OLFM2: variants seen among roughly 807,000 people sequenced by gnomAD.
The protein encoded by OLFM2 is olfactomedin 2.
OLFM2 carries 20 observed loss-of-function variants against 43.9 expected under a neutral mutation model. The ratio of observed to expected loss-of-function variants is 0.46; its 90% CI spans 0.32 to 0.66. The LOEUF is 0.66. Ranked by LOEUF, OLFM2 falls within the 30% of genes least tolerant of loss-of-function variation. The pLI is 0.04. For synonymous variants in OLFM2, 268 were observed against 278.6 expected (o/e 0.96, Z 0.38); for missense variants, 416 against 643.6 (o/e 0.65, Z 3.83).
At chr19:9,864,501 A>G (rs189723954) in intron 1 of OLFM2, among the ~76,000 whole-genome samples, 3 of 152,220 alleles carry the variant, frequency 2.0e-5, no homozygotes, top group Admixed American at 1.3e-4. Flanking sequence ...GGGTTTCACT[A>G]TGTTGGTCAG....
At chr19:9,898,710 C>T (rs114586838) in intron 1 of OLFM2, among the ~76,000 whole-genome samples, 2,772 of 152,208 alleles carry the variant, frequency 0.018, 64 homozygotes, top group South Asian at 0.081. Flanking sequence ...TAAGTCTCTC[C>T]AGCCACCACG....
chr19:9,925,898 G>A (rs10417219), intron 1 of OLFM2, among the ~76,000 whole-genome samples: 22,490 of 151,678 alleles, frequency 0.15, 4,790 homozygotes, highest in African/African-American at 0.47. Context: ...ACTTTGGAAG[G>A]CTGAGGTGAG....
rs1464113886 is a variant in OLFM2, at chr19:9,857,068, T to C, written c.581-155A>G. The C allele has an allele frequency of 1.2e-6, 1 of 818,626 alleles. No homozygotes were observed. Among genetic ancestry groups the C allele is most frequent in the Non-Finnish European group, 2.0e-6 (1 of 499,954 alleles). 50.7% of individuals were successfully genotyped at this position (818,626 alleles called of 1,614,324 possible). ...TCCCAATATGTTGTTCAGTTGTGAGTGAGGGGTTAGAGGCCAAGGGTCAGG... is the reference window on the plus strand; with the variant it reads ...TCCCAATATGTTGTTCAGTTGTGAGCGAGGGGTTAGAGGCCAAGGGTCAGG... On this transcript the variant is annotated intron_variant, in intron 4 of 5. Coordinates refer to ENST00000264833, the MANE Select transcript of OLFM2 (RefSeq NM_058164.4). The surrounding 1 kb of genome is among the most constrained non-coding windows in gnomAD (Gnocchi z 5.7).
chr19:9,929,721 A>G (rs942477510), intron 1 of OLFM2, among the ~76,000 whole-genome samples: 1 of 151,854 alleles, frequency 6.6e-6, no homozygotes, highest in Admixed American at 6.6e-5. Flanking sequence ...CATTGCCCAC[A>G]CCAGCCACTG....
At chr19:9,929,376 T>C (rs966244607) in intron 1 of OLFM2, among the ~76,000 whole-genome samples, 1 of 151,932 alleles carries the variant, frequency 6.6e-6, no homozygotes, top group African/African-American at 2.4e-5. Flanking sequence ...GTGGATCACC[T>C]GAGGTCAGGA....
chr19:9,901,206 G>GGAAA (rs1250981045), intron 1 of OLFM2, among the ~76,000 whole-genome samples: 3 of 146,744 alleles, frequency 2.0e-5, no homozygotes, highest in African/African-American at 7.5e-5. Context: ...GAAAGAGGAC[G>GGAAA]GAAAGAAAGA....
chr19:9,914,995 G>C (rs1003449887), intron 1 of OLFM2, among the ~76,000 whole-genome samples: 2 of 152,012 alleles, frequency 1.3e-5, no homozygotes, highest in East Asian at 2.0e-4. Context: ...TAGGGGTCTC[G>C]AACCGTCTTT....
intron 1 of OLFM2, among the ~76,000 whole-genome samples, chr19:9,870,798 T>TGTAA (rs1276449027): frequency 2.6e-5 from 4 of 152,150 alleles, no homozygotes; most frequent in Non-Finnish European, 5.9e-5. Context: ...TGGAGGTTGC[T>TGTAA]GTAAGCCAAG....
intron 1 of OLFM2, among the ~76,000 whole-genome samples, chr19:9,893,229 A>G (rs1293222783): frequency 1.2e-4 from 18 of 151,682 alleles, no homozygotes; most frequent in Admixed American, 9.9e-4. Context: ...CAATGGCACA[A>G]TTTCAGCTCA....
At chr19:9,879,290 G>A (rs1027825793) in intron 1 of OLFM2, among the ~76,000 whole-genome samples, 1 of 152,128 alleles carries the variant, frequency 6.6e-6, no homozygotes, top group African/African-American at 2.4e-5. Context: ...GCGCCACCAC[G>A]CCTGGCTAAT....
intron 1 of OLFM2, among the ~76,000 whole-genome samples, chr19:9,861,044 A>G (rs2046362530): frequency 6.6e-6 from 1 of 152,046 alleles, no homozygotes; most frequent in Non-Finnish European, 1.5e-5. Context: ...CAAGACCAGA[A>G]TTCATTCTCT....
At chr19:9,916,832 C>T (rs538366237) in intron 1 of OLFM2, among the ~76,000 whole-genome samples, 1 of 152,320 alleles carries the variant, frequency 6.6e-6, no homozygotes, top group African/African-American at 2.4e-5. Flanking sequence ...TCCACACCCT[C>T]ATGCCAGTCC....
At chr19:9,858,909 C>T (rs1463847660) in intron 2 of OLFM2, among the ~76,000 whole-genome samples, 2 of 151,790 alleles carry the variant, frequency 1.3e-5, no homozygotes, top group African/African-American at 4.9e-5. Context: ...TAGACTCTCA[C>T]TTGGCTAAGA....
At chr19:9,855,091 G>C (rs2046305053) in intron 5 of OLFM2, among the ~76,000 whole-genome samples, 1 of 152,130 alleles carries the variant, frequency 6.6e-6, no homozygotes, top group Non-Finnish European at 1.5e-5. Context: ...CTCAATGGCT[G>C]TCCAGTGACC....
At chr19:9,908,044 A>G (rs116141954) in intron 1 of OLFM2, among the ~76,000 whole-genome samples, 5,572 of 151,994 alleles carry the variant, frequency 0.037, 197 homozygotes, top group African/African-American at 0.095. Flanking sequence ...TTAAAAATCT[A>G]AAGTCCCTGA....
chr19:9,870,464 A>G (rs1326079621), intron 1 of OLFM2, among the ~76,000 whole-genome samples: 5 of 152,134 alleles, frequency 3.3e-5, no homozygotes, highest in Non-Finnish European at 7.3e-5. Flanking sequence ...CTTTTCCAGA[A>G]TATCTCCTTG....
intron 1 of OLFM2, among the ~76,000 whole-genome samples, chr19:9,866,454 G>C (rs1373102138): frequency 1.3e-5 from 2 of 151,016 alleles, no homozygotes; most frequent in Non-Finnish European, 1.5e-5. Context: ...CTAGCAGCCT[G>C]TCTCACCTCG....
chr19:9,936,018 C>T (rs547264580), intron 1 of OLFM2, among the ~76,000 whole-genome samples: 10 of 152,232 alleles, frequency 6.6e-5, no homozygotes, highest in African/African-American at 2.4e-4. Context: ...CATTCAGCTC[C>T]AGCGAGATGG....
intron 1 of OLFM2, among the ~76,000 whole-genome samples, chr19:9,895,021 C>A (rs2046671133): frequency 6.6e-6 from 1 of 152,126 alleles, no homozygotes; most frequent in Non-Finnish European, 1.5e-5. Context: ...CCTTATGTCA[C>A]CATCTCCATC....
Sources: gnomAD v4.1 joint callset for allele counts (sites outside exome capture counted in the v4.1 genomes callset) on GRCh38, gnomAD v4.1.1 for gene constraint, Gnocchi (gnomAD v3.1) non-coding constraint, MANE v1.5 for transcripts, NCBI Gene and HGNC (gene_info 2026-07-23, HGNC 2026-07-21) for gene names.